Variants in GREM2 observed in about 807,000 individuals in gnomAD.
GREM2 encodes gremlin 2, DAN family BMP antagonist, also known as gremlin-2.
In GREM2, 11 loss-of-function variants were observed where a neutral mutation model predicts 14.2. The ratio of observed to expected loss-of-function variants is 0.78; its 90% CI spans 0.49 to 1.28. The LOEUF is 1.28. Ranked by LOEUF, GREM2 falls within the 50% of genes most tolerant of loss-of-function variation. The pLI is 0.00. For missense variants in GREM2, 210 were observed against 218.5 expected, an observed-to-expected ratio of 0.96 and a Z score of 0.24; for synonymous variants, 98 against 97.6, an observed-to-expected ratio of 1.00 and a Z score of -0.02.
In GREM2 at chr1:240,489,598, G is replaced by T. The variant is rs1677201921; in HGVS notation, c.*3371C>A. 6.6e-6 allele frequency: 1 copy of T among 152,202 alleles called. No homozygotes were observed. The highest frequency in any genetic ancestry group is 2.4e-5 in the African/African-American group (1 of 41,452). 9.4% of individuals were successfully genotyped at this position (152,202 alleles called of 1,614,324 possible). ...TTAGGCTGCTCTGCCTATGAAGTAG[G>T]CATTCTTTATTCCTTTACTTTCTTA... is the stretch of plus-strand genomic sequence containing the variant. On this transcript the variant is annotated 3_prime_UTR_variant, in exon 2 of 2. Coordinates refer to ENST00000318160, the MANE Select transcript of GREM2 (RefSeq NM_022469.4).
At chr1:240,511,398 C>T (rs1677825408) in intron 1 of GREM2, among the ~76,000 whole-genome samples, 1 of 152,158 alleles carries the variant, frequency 6.6e-6, no homozygotes, top group African/African-American at 2.4e-5. Context: ...ATTTAGAGTA[C>T]ACGAGAGAAT....
At chr1:240,494,867 T>C (rs9724756) in intron 1 of GREM2, among the ~76,000 whole-genome samples, 113,339 of 152,018 alleles carry the variant, frequency 0.75, 42,505 homozygotes, top group East Asian at 0.84. Context: ...CGTCACTGTA[T>C]TCCAGCCTGT....
chr1:240,531,283 C>G (rs1335910804), intron 1 of GREM2, among the ~76,000 whole-genome samples: 1 of 152,144 alleles, frequency 6.6e-6, no homozygotes, highest in Admixed American at 6.5e-5. Flanking sequence ...TATGGATTTT[C>G]TTTCTAACCC....
chr1:240,579,807 C>G (rs1460394750), intron 1 of GREM2, among the ~76,000 whole-genome samples: 1 of 152,074 alleles, frequency 6.6e-6, no homozygotes, highest in East Asian at 1.9e-4. Context: ...AACAACAGGG[C>G]ATTTCTGGGG....
At chr1:240,591,413 G>C (rs1275736395) in intron 1 of GREM2, among the ~76,000 whole-genome samples, 1 of 152,206 alleles carries the variant, frequency 6.6e-6, no homozygotes, top group Non-Finnish European at 1.5e-5. Flanking sequence ...GTAGCTTAGA[G>C]ATATACCTAA....
chr1:240,558,129 A>G (rs1678983062), intron 1 of GREM2, among the ~76,000 whole-genome samples: 1 of 152,160 alleles, frequency 6.6e-6, no homozygotes, highest in African/African-American at 2.4e-5. Flanking sequence ...TTTAGGGACC[A>G]GGAAGTGAAA....
intron 1 of GREM2, among the ~76,000 whole-genome samples, chr1:240,521,449 T>C (rs144074478): frequency 0.011 from 1,714 of 151,550 alleles, 31 homozygotes; most frequent in Non-Finnish European, 0.018. Flanking sequence ...GGGGCGACTG[T>C]AGTCCCAGCT....
chr1:240,509,542 A>AT (rs1215036464), intron 1 of GREM2, among the ~76,000 whole-genome samples: 2 of 151,878 alleles, frequency 1.3e-5, no homozygotes, highest in African/African-American at 4.8e-5. Context: ...CTAATGTTGT[A>AT]TTTTTAGTAG....
intron 1 of GREM2, among the ~76,000 whole-genome samples, chr1:240,534,978 T>C (rs1337882393): frequency 6.6e-6 from 1 of 152,140 alleles, no homozygotes. Context: ...AGAGATGATC[T>C]GTCTGTTTCT....
At chr1:240,556,894 G>A (rs1217769768) in intron 1 of GREM2, among the ~76,000 whole-genome samples, 1 of 152,148 alleles carries the variant, frequency 6.6e-6, no homozygotes, top group Non-Finnish European at 1.5e-5. Context: ...GGGATGTCTG[G>A]GCGTGGTGGC....
In GREM2 at chr1:240,562,858, A is replaced by G. The variant is rs1270502140; in HGVS notation, c.-2+49026T>C. Among the ~76,000 whole-genome samples, 4 of 147,278 alleles carry G rather than the reference A, an allele frequency of 2.7e-5. No homozygotes were observed. The East Asian group carries it at 6.1e-4, about 23-fold the overall frequency. On this transcript the variant is annotated intron_variant, in intron 1 of 1. Transcript: ENST00000318160. Reference sequence around the variant, plus strand: ...TGTGTATATGAGTGTGTATGTGTGTATGTGTATATGTGAGTGTGTATGTGT... The same window carrying G: ...TGTGTATATGAGTGTGTATGTGTGTGTGTGTATATGTGAGTGTGTATGTGT...
Position 240,492,034 on chromosome 1 carries a change from C to A in GREM2, c.*935G>T, listed in dbSNP as rs901768508. 5.4e-6 allele frequency: 1 copy of A among 185,094 alleles called. No homozygotes were observed. Among genetic ancestry groups the A allele is most frequent in the South Asian group, 9.3e-5 (1 of 10,704 alleles). The allele number at this position is 185,094 out of a possible 1,614,324, so 11.5% of individuals were successfully genotyped here. A position where few individuals can be genotyped will look rare whatever the true frequency, so the allele number is the denominator to read the frequency against. ...GGCATTTTTTTTTCTGAGTAAGACA[C>A]CTTCTGGGCCTGCTGTCATCCTTAC... On this transcript the variant is annotated 3_prime_UTR_variant, in exon 2 of 2. Transcript: ENST00000318160.
At chr1:240,585,697 T>C in intron 1 of GREM2, among the ~76,000 whole-genome samples, 1 of 126,926 alleles carries the variant, frequency 7.9e-6, no homozygotes, top group East Asian at 2.3e-4. Context: ...GCCACTGTAT[T>C]ACAGCCTAGG....
At chr1:240,519,553 A>G (rs963316876) in intron 1 of GREM2, among the ~76,000 whole-genome samples, 2 of 152,170 alleles carry the variant, frequency 1.3e-5, no homozygotes, top group African/African-American at 4.8e-5. Context: ...TACGGTATTC[A>G]CGTAACATTT....
intron 1 of GREM2, chr1:240,530,599 T>A (rs191812314): frequency 3.9e-5 from 6 of 152,210 alleles, no homozygotes; most frequent in Non-Finnish European, 8.8e-5. Flanking sequence ...AGGAATTACA[T>A]AGAGTTATAA....
chr1:240,573,500 C>T (rs1679298389), intron 1 of GREM2, among the ~76,000 whole-genome samples: 1 of 152,120 alleles, frequency 6.6e-6, no homozygotes, highest in Non-Finnish European at 1.5e-5. Context: ...ATGTTTTAAA[C>T]CATTGCATTT....
chr1:240,510,734 A>C (rs1677806030), intron 1 of GREM2, among the ~76,000 whole-genome samples: 1 of 152,244 alleles, frequency 6.6e-6, no homozygotes, highest in Admixed American at 6.5e-5. Context: ...TAACATTTAA[A>C]TTAATAAAAA....
At chr1:240,610,951 C>G (rs1448789431) in intron 1 of GREM2, among the ~76,000 whole-genome samples, 1 of 151,962 alleles carries the variant, frequency 6.6e-6, no homozygotes, top group Non-Finnish European at 1.5e-5. Context: ...ACTCATTAAG[C>G]AATGCTAATT....
At chr1:240,562,917 AGTGTAT>A (rs746691074) in intron 1 of GREM2, among the ~76,000 whole-genome samples, 18 of 133,510 alleles carry the variant, frequency 1.3e-4, no homozygotes, top group South Asian at 1.2e-3. Flanking sequence ...TATGTCTGTG[AGTGTAT>A]GTGTATGTGT....
Sources: allele counts gnomAD v4.1 joint callset (sites outside exome capture counted in the v4.1 genomes callset), GRCh38; gene constraint gnomAD v4.1.1; transcripts MANE v1.5; gene names NCBI Gene and HGNC (gene_info 2026-07-23, HGNC 2026-07-21).